Variants in PCDH15 observed in about 807,000 individuals in gnomAD.
PCDH15 encodes the protein protocadherin related 15, also known as protocadherin-15.
In PCDH15, 129 loss-of-function variants were observed where a neutral mutation model predicts 178.5. That is an observed-to-expected ratio of 0.72 (90% CI 0.63 to 0.84). The LOEUF (loss-of-function observed/expected upper bound fraction) is 0.84, where lower values mean the gene tolerates loss of function less well. PCDH15 is among the 40% of genes least tolerant of loss of function. PCDH15 has a pLI of 0.00. For missense variants in PCDH15, 2,230 were observed against 2,099.9 expected (o/e 1.06, Z -1.21); for synonymous variants, 800 against 732.0 (o/e 1.09, Z -1.50).
At chr10:54,307,459 A>T (rs1191450492) in intron 8 of PCDH15, among the ~76,000 whole-genome samples, 1 of 151,632 alleles carries the variant, frequency 6.6e-6, no homozygotes, top group Non-Finnish European at 1.5e-5. Flanking sequence ...TCTGTGGGAC[A>T]ATTTGGAAAA....
At chr10:53,858,637 C>A (rs11003887) in intron 27 of PCDH15, among the ~76,000 whole-genome samples, 13 of 152,140 alleles carry the variant, frequency 8.5e-5, no homozygotes, top group Non-Finnish European at 1.5e-4. Context: ...TGTATTAAGA[C>A]AGGAGTAGGT....
chr10:54,035,108 T>G (rs1018472001), intron 18 of PCDH15, among the ~76,000 whole-genome samples: 1 of 151,816 alleles, frequency 6.6e-6, no homozygotes, highest in Admixed American at 6.6e-5. Context: ...ACAGAATGTT[T>G]TCAATGACAT....
intron 3 of PCDH15, among the ~76,000 whole-genome samples, chr10:54,512,165 T>C (rs779968151): frequency 4.0e-4 from 61 of 152,186 alleles, no homozygotes; most frequent in Admixed American, 2.6e-3. Context: ...AGATGTCTAA[T>C]AAAACATAAA....
chr10:55,532,812 C>T (rs1841483263), intron 2 of PCDH15, among the ~76,000 whole-genome samples: 1 of 152,002 alleles, frequency 6.6e-6, no homozygotes, highest in African/African-American at 2.4e-5. Flanking sequence ...AATAACTCTC[C>T]TTCACAGAAT....
At position 54,000,474 on chromosome 10, in the gene PCDH15, A is replaced by T. The variant is rs1225982822; in HGVS notation, c.2752-4709T>A. On this transcript the variant is annotated intron_variant, in intron 20 of 37. Coordinates refer to ENST00000644397, the MANE Select transcript of PCDH15 (RefSeq NM_001384140.1). ...ATTTAGAATTCTATCAGATACATTT[A>T]ACAAAGAGATTGAAATAATTTTAAA... is the stretch of plus-strand genomic sequence containing the variant. 2.6e-5 allele frequency among the ~76,000 whole-genome samples: 4 copies of T among 152,262 alleles called. No individual in the cohort carries two copies. In the South Asian group the frequency reaches 8.3e-4, roughly 32 times the overall value.
chr10:55,473,239 A>G (rs1839999831), intron 2 of PCDH15, among the ~76,000 whole-genome samples: 1 of 152,170 alleles, frequency 6.6e-6, no homozygotes, highest in East Asian at 1.9e-4. Flanking sequence ...AGAAAGTGTA[A>G]TTTTGACCTA....
At chr10:53,997,132 T>C (rs945617840) in intron 20 of PCDH15, among the ~76,000 whole-genome samples, 2 of 152,142 alleles carry the variant, frequency 1.3e-5, no homozygotes, top group Non-Finnish European at 2.9e-5. Flanking sequence ...ACTTGAACTG[T>C]ACACAAAACT....
chr10:55,513,230 T>C (rs559164643), intron 2 of PCDH15: 1 of 152,250 alleles, frequency 6.6e-6, no homozygotes, highest in East Asian at 1.9e-4. Flanking sequence ...GTGTTTTCTG[T>C]ATTCAGGCTC....
intron 32 of PCDH15, chr10:53,821,067 A>G: frequency 1.0e-6 from 1 of 956,444 alleles, no homozygotes; most frequent in Non-Finnish European, 1.2e-6. Context: ...CTTTTTAAGC[A>G]TCTGTTGGAA....
At chr10:55,035,827 TG>T in intron 2 of PCDH15, among the ~76,000 whole-genome samples, 1 of 152,226 alleles carries the variant, frequency 6.6e-6, no homozygotes, top group South Asian at 2.1e-4. Context: ...GCTCCACTGA[TG>T]GCCATAGGGG....
intron 21 of PCDH15, among the ~76,000 whole-genome samples, chr10:53,982,531 G>A (rs2090741269): frequency 6.6e-6 from 1 of 151,964 alleles, no homozygotes; most frequent in Non-Finnish European, 1.5e-5. Context: ...GGACATGGAT[G>A]AAGCTGGAAA....
chr10:55,057,796 T>G (rs997473236), intron 2 of PCDH15, among the ~76,000 whole-genome samples: 2 of 152,236 alleles, frequency 1.3e-5, no homozygotes, highest in Non-Finnish European at 2.9e-5. Context: ...CAAGTTGCAT[T>G]CACGAGATTC....
chr10:54,778,998 C>T (rs957835696), intron 1 of PCDH15, among the ~76,000 whole-genome samples: 1 of 151,970 alleles, frequency 6.6e-6, no homozygotes. Flanking sequence ...TTATGCTGCT[C>T]GTGTGTGAAG....
At chr10:55,492,684 C>T (rs192188321) in intron 2 of PCDH15, among the ~76,000 whole-genome samples, 3 of 151,470 alleles carry the variant, frequency 2.0e-5, no homozygotes, top group African/African-American at 4.8e-5. Context: ...GACGAGTGCA[C>T]GGGGAAAAAA....
At chr10:54,110,222 T>C (rs982344529) in intron 15 of PCDH15, among the ~76,000 whole-genome samples, 6 of 151,340 alleles carry the variant, frequency 4.0e-5, no homozygotes, top group African/African-American at 1.2e-4. Context: ...AGGCAGGAGA[T>C]TGGTTTAACC....
intron 2 of PCDH15, among the ~76,000 whole-genome samples, chr10:54,532,502 T>C (rs2084029270): frequency 6.6e-6 from 1 of 152,156 alleles, no homozygotes; most frequent in Non-Finnish European, 1.5e-5. Context: ...GAAAACTCAG[T>C]GATAACATTG....
chr10:54,749,193 C>A (rs1157349343), intron 1 of PCDH15, among the ~76,000 whole-genome samples: 3 of 152,084 alleles, frequency 2.0e-5, no homozygotes, highest in Non-Finnish European at 4.4e-5. Context: ...GCGTCAGTAA[C>A]TAATCAAATA....
intron 1 of PCDH15, among the ~76,000 whole-genome samples, chr10:55,179,676 C>T (rs1839589349): frequency 6.6e-6 from 1 of 151,992 alleles, no homozygotes; most frequent in Non-Finnish European, 1.5e-5. Context: ...CTTACTCACT[C>T]TCTGATTTCC....
intron 2 of PCDH15, among the ~76,000 whole-genome samples, chr10:54,551,457 TTAAAA>T (rs1455744509): frequency 1.3e-5 from 2 of 152,006 alleles, no homozygotes; most frequent in Non-Finnish European, 2.9e-5. Flanking sequence ...ATGAAGCTCA[TTAAAA>T]TAAAATAAAC....
Sources: gnomAD v4.1 joint callset for allele counts (sites outside exome capture counted in the v4.1 genomes callset) on GRCh38, gnomAD v4.1.1 for gene constraint, MANE v1.5 for transcripts, NCBI Gene and HGNC (gene_info 2026-07-23, HGNC 2026-07-21) for gene names.